Variants in UNC13C observed in about 807,000 individuals in gnomAD.
The protein encoded by UNC13C is protein unc-13 homolog C.
UNC13C carries 174 observed loss-of-function variants against 245.4 expected under a neutral mutation model. That is an observed-to-expected ratio of 0.71 (90% CI 0.63 to 0.80). The LOEUF is 0.80. Ranked by LOEUF, UNC13C falls within the 30% of genes least tolerant of loss-of-function variation. The pLI is 0.00. For synonymous variants in UNC13C, 992 were observed against 895.1 expected (o/e 1.11, Z -1.93); for missense variants, 2,829 against 2,602.9 (o/e 1.09, Z -1.89).
chr15:53,946,669 T>G, the UNC13C span, among the ~76,000 whole-genome samples: 3 of 136,174 alleles, frequency 2.2e-5, no homozygotes, highest in Admixed American at 2.4e-4. Flanking sequence ...TGCAGTGAGC[T>G]GAGGTTTTTT....
At chr15:54,135,376 C>T (rs1405347885) in intron 2 of UNC13C, among the ~76,000 whole-genome samples, 7 of 152,280 alleles carry the variant, frequency 4.6e-5, no homozygotes, top group Middle Eastern at 6.8e-3. Context: ...ATTGCTATCC[C>T]GGCCAATACG....
intron 30 of UNC13C, among the ~76,000 whole-genome samples, chr15:54,619,398 C>A (rs1217699033): frequency 6.6e-6 from 1 of 152,154 alleles, no homozygotes; most frequent in Non-Finnish European, 1.5e-5. Context: ...TTCTTTGCTG[C>A]ACTTTGATCT....
At chr15:54,547,232 A>G (rs1315270453) in intron 27 of UNC13C, among the ~76,000 whole-genome samples, 1 of 145,064 alleles carries the variant, frequency 6.9e-6, no homozygotes, top group African/African-American at 2.9e-5. Flanking sequence ...CACCACTGCT[A>G]TTTGGATTTT....
At chr15:54,378,812 T>C (rs2039660287) in intron 17 of UNC13C, among the ~76,000 whole-genome samples, 1 of 151,984 alleles carries the variant, frequency 6.6e-6, no homozygotes, top group African/African-American at 2.4e-5. Context: ...CATTCAGAAT[T>C]GTAATATTTT....
At position 54,316,437 on chromosome 15, in the gene UNC13C, C is replaced by A. The variant is rs542840161; in HGVS notation, c.4269-5502C>A. 4.6e-5 allele frequency among the ~76,000 whole-genome samples: 7 copies of A among 152,024 alleles called. No individual in the cohort carries two copies. In the South Asian group the frequency reaches 1.5e-3, roughly 32 times the overall value. Reference sequence around the variant, plus strand: ...TGGCTATCTCTTAGTCATTCATTGACTGTTAGCCCAGCCTCATCTCAAGAC... The same window carrying A: ...TGGCTATCTCTTAGTCATTCATTGAATGTTAGCCCAGCCTCATCTCAAGAC... On this transcript the variant is annotated intron_variant, in intron 13 of 32. Coordinates refer to ENST00000260323, the MANE Select transcript of UNC13C (RefSeq NM_001080534.3).
chr15:54,228,001 C>G (rs902159998), intron 4 of UNC13C, among the ~76,000 whole-genome samples: 14 of 152,170 alleles, frequency 9.2e-5, no homozygotes, highest in African/African-American at 3.4e-4. Flanking sequence ...AGTCTGAAGT[C>G]AGAAACTTTA....
chr15:54,143,176 G>A, intron 3 of UNC13C, 136 bp downstream of exon 3: 1 of 890,848 alleles, frequency 1.1e-6, no homozygotes, highest in Non-Finnish European at 1.8e-6. Context: ...CCATTATTTG[G>A]TTGTCCTTTA....
chr15:54,295,473 A>G (rs1201424311), intron 11 of UNC13C, among the ~76,000 whole-genome samples: 1 of 151,956 alleles, frequency 6.6e-6, no homozygotes. Context: ...ACATAGTGAG[A>G]CCCATCTCTA....
chr15:53,922,755 A>G, the UNC13C span, among the ~76,000 whole-genome samples: 2 of 152,208 alleles, frequency 1.3e-5, no homozygotes, highest in South Asian at 4.1e-4. Context: ...ATGGGATGTC[A>G]GAAACTTTTA....
intron 19 of UNC13C, among the ~76,000 whole-genome samples, chr15:54,450,918 A>G (rs1891137739): frequency 6.6e-6 from 1 of 152,110 alleles, no homozygotes; most frequent in African/African-American, 2.4e-5. Context: ...GGAACCACCC[A>G]AGAGTTTCTT....
At chr15:53,986,775 CTG>C (rs1316994075) in intron 1 of UNC13C, among the ~76,000 whole-genome samples, 1 of 151,930 alleles carries the variant, frequency 6.6e-6, no homozygotes, top group Non-Finnish European at 1.5e-5. Flanking sequence ...AGATAATTTA[CTG>C]TACTACTTAA....
rs147458067 is a variant in UNC13C, at chr15:54,217,723, A to G, written c.3072-17307A>G. Among the ~76,000 whole-genome samples the G allele has an allele frequency of 5.9e-5, 9 of 152,022 alleles. No individual in the cohort carries two copies. In the East Asian group the frequency reaches 1.2e-3, roughly 20 times the overall value. On this transcript the variant is annotated intron_variant, in intron 4 of 32. Coordinates refer to ENST00000260323, the MANE Select transcript of UNC13C (RefSeq NM_001080534.3). ...GCAAGTAATTTTTTTCATTTTCCGC[A>G]GTAGATAGATTCATAGAGGATAAAA...
chr15:54,512,494 C>G (rs1373159151), intron 24 of UNC13C: 3 of 398,986 alleles, frequency 7.5e-6, no homozygotes, highest in Non-Finnish European at 1.5e-5. Flanking sequence ...AACAGACAGA[C>G]AGTGAAATAC....
At chr15:54,234,163 A>G (rs1373221537) in intron 4 of UNC13C, among the ~76,000 whole-genome samples, 2 of 151,936 alleles carry the variant, frequency 1.3e-5, no homozygotes, top group Non-Finnish European at 2.9e-5. Flanking sequence ...ACAGTTATCA[A>G]TTTCATAATT....
chr15:54,537,504 A>G (rs1896036092), intron 26 of UNC13C, among the ~76,000 whole-genome samples: 1 of 152,116 alleles, frequency 6.6e-6, no homozygotes, highest in African/African-American at 2.4e-5. Flanking sequence ...ATTTAGAACC[A>G]AAAAAGAGTC....
chr15:54,535,361 A>T (rs933467467), intron 26 of UNC13C, among the ~76,000 whole-genome samples: 2 of 152,206 alleles, frequency 1.3e-5, no homozygotes, highest in South Asian at 2.1e-4. Flanking sequence ...ATCTGGATTT[A>T]TAAAGCAATT....
At chr15:54,068,600 A>G (rs1898177251) in intron 2 of UNC13C, among the ~76,000 whole-genome samples, 1 of 152,186 alleles carries the variant, frequency 6.6e-6, no homozygotes, top group Admixed American at 6.6e-5. Flanking sequence ...AGTCTGCCAA[A>G]CACTGCTAAA....
At chr15:54,220,766 C>G (rs929962711) in intron 4 of UNC13C, among the ~76,000 whole-genome samples, 1 of 151,568 alleles carries the variant, frequency 6.6e-6, no homozygotes, top group African/African-American at 2.4e-5. Context: ...GGTGGCATTG[C>G]TAAACAACTG....
intron 5 of UNC13C, among the ~76,000 whole-genome samples, chr15:54,235,714 G>T (rs2035676574): frequency 6.6e-6 from 1 of 152,106 alleles, no homozygotes; most frequent in Non-Finnish European, 1.5e-5. Context: ...TAACTGGAGT[G>T]GTTGTGGGCA....
Sources: gnomAD v4.1 joint callset for allele counts (sites outside exome capture counted in the v4.1 genomes callset) on GRCh38, gnomAD v4.1.1 for gene constraint, MANE v1.5 for transcripts, NCBI Gene and HGNC (gene_info 2026-07-23, HGNC 2026-07-21) for gene names.